Variants in KHDRBS2 observed in about 807,000 individuals in gnomAD.
The protein encoded by KHDRBS2 is KH domain-containing, RNA-binding, signal transduction-associated protein 2.
KHDRBS2 carries 26 observed loss-of-function variants against 44.3 expected under a neutral mutation model. The observed-to-expected ratio is 0.59, with a 90% CI of 0.43 to 0.81. The LOEUF (loss-of-function observed/expected upper bound fraction) is 0.81. Among genes scored for constraint, KHDRBS2 ranks in the 40% least tolerant of loss-of-function variants. KHDRBS2 has a pLI of 0.00. For missense variants in KHDRBS2, 476 were observed against 433.1 expected (o/e 1.10, Z -0.88); for synonymous variants, 194 against 151.1 (o/e 1.28, Z -2.08).
intron 2 of KHDRBS2, among the ~76,000 whole-genome samples, chr6:62,059,650 G>T (rs1336853152): frequency 6.6e-6 from 1 of 151,748 alleles, no homozygotes; most frequent in African/African-American, 2.4e-5. Context: ...TATTCCATTT[G>T]AGATGCCTTC....
At chr6:61,672,737 T>C in the KHDRBS2 span, among the ~76,000 whole-genome samples, 1 of 152,004 alleles carries the variant, frequency 6.6e-6, no homozygotes, top group African/African-American at 2.4e-5. Flanking sequence ...TTGTAGATTC[T>C]GGATATTAGC....
intron 6 of KHDRBS2, among the ~76,000 whole-genome samples, chr6:61,835,581 T>C (rs984173928): frequency 1.7e-4 from 26 of 151,970 alleles, no homozygotes; most frequent in African/African-American, 5.8e-4. Context: ...TTAACACAAA[T>C]TGTACATGAT....
At chr6:61,821,644 A>G (rs544027) in intron 6 of KHDRBS2, among the ~76,000 whole-genome samples, 23,691 of 151,902 alleles carry the variant, frequency 0.16, 2,456 homozygotes, top group South Asian at 0.27. Context: ...AGGTTGCTAG[A>G]GTGATGAGTG....
chr6:62,212,104 G>A (rs1336803320), intron 1 of KHDRBS2, among the ~76,000 whole-genome samples: 3 of 152,158 alleles, frequency 2.0e-5, no homozygotes, highest in Admixed American at 6.5e-5. Context: ...ACTAAATGGT[G>A]AGAACAAATA....
At chr6:61,965,246 A>C (rs1386453050) in intron 4 of KHDRBS2, among the ~76,000 whole-genome samples, 1 of 152,056 alleles carries the variant, frequency 6.6e-6, no homozygotes, top group African/African-American at 2.4e-5. Context: ...CCCCCTACTT[A>C]CAAATCAATC....
In KHDRBS2 at chr6:61,690,526, T is replaced by A. The variant is rs564772851; in HGVS notation, c.952+6669A>T. Among the ~76,000 whole-genome samples the A allele has an allele frequency of 1.1e-4, 16 of 152,176 alleles. No homozygotes were observed. The South Asian group carries it at 3.3e-3, about 32-fold the overall frequency. The stretch of plus-strand genomic sequence containing the variant: ...TGTTAAACACATGTGGACTATAATT[T>A]TTTGTTGACTCTACCTGTTGGGTAA... On this transcript the variant is annotated intron_variant, in intron 8 of 8. Transcript: ENST00000281156.
intron 1 of KHDRBS2, among the ~76,000 whole-genome samples, chr6:62,207,021 A>G (rs1018326894): frequency 3.3e-5 from 5 of 152,208 alleles, no homozygotes; most frequent in Admixed American, 1.3e-4. Flanking sequence ...AAAACATCAC[A>G]ATGTAATGTA....
intron 4 of KHDRBS2, among the ~76,000 whole-genome samples, chr6:61,974,902 G>T (rs1163855708): frequency 3.3e-5 from 5 of 151,236 alleles, no homozygotes. Flanking sequence ...TTGCATTCCA[G>T]CCTGGGCGAC....
At chr6:61,898,415 T>TA (rs1803326260) in intron 5 of KHDRBS2, among the ~76,000 whole-genome samples, 1 of 152,006 alleles carries the variant, frequency 6.6e-6, no homozygotes, top group African/African-American at 2.4e-5. Flanking sequence ...AGTCTCTAAG[T>TA]GATTATTGTA....
intron 1 of KHDRBS2, among the ~76,000 whole-genome samples, chr6:62,282,562 A>T (rs1841948202): frequency 6.6e-6 from 1 of 152,178 alleles, no homozygotes; most frequent in African/African-American, 2.4e-5. Context: ...CAGCAGACAC[A>T]GAATATTTCC....
At chr6:61,609,861 A>G in the KHDRBS2 span, among the ~76,000 whole-genome samples, 2 of 152,196 alleles carry the variant, frequency 1.3e-5, no homozygotes, top group Non-Finnish European at 2.9e-5. Context: ...CTAATCTTTC[A>G]CGATGTTCCA....
At chr6:61,592,018 C>T in the KHDRBS2 span, among the ~76,000 whole-genome samples, 2 of 151,814 alleles carry the variant, frequency 1.3e-5, no homozygotes, top group Non-Finnish European at 2.9e-5. Context: ...GAGAGACCCT[C>T]ATCTTTACAA....
chr6:61,565,173 G>A, the KHDRBS2 span, among the ~76,000 whole-genome samples: 1 of 151,994 alleles, frequency 6.6e-6, no homozygotes, highest in Non-Finnish European at 1.5e-5. Context: ...AAAATAAAAT[G>A]GATTAAAGAC....
chr6:62,179,680 A>G (rs1293202371), intron 1 of KHDRBS2, among the ~76,000 whole-genome samples: 1 of 151,766 alleles, frequency 6.6e-6, no homozygotes, highest in Non-Finnish European at 1.5e-5. Context: ...ATAAAAATAA[A>G]TTGAATTTGT....
intron 3 of KHDRBS2, among the ~76,000 whole-genome samples, chr6:62,015,761 T>C (rs1157872532): frequency 1.3e-5 from 2 of 152,214 alleles, no homozygotes; most frequent in African/African-American, 4.8e-5. Flanking sequence ...CCAGTCCTAC[T>C]GATGAAAGCC....
chr6:62,282,655 A>C (rs1841960014), intron 1 of KHDRBS2, among the ~76,000 whole-genome samples: 1 of 152,174 alleles, frequency 6.6e-6, no homozygotes, highest in Admixed American at 6.5e-5. Flanking sequence ...ATCTGTCCCC[A>C]GTACCCAAAA....
intron 7 of KHDRBS2, among the ~76,000 whole-genome samples, chr6:61,706,016 G>T (rs757541086): frequency 1.3e-5 from 2 of 151,844 alleles, no homozygotes; most frequent in African/African-American, 2.4e-5. Flanking sequence ...GCAACCCAGT[G>T]CCTGACACAT....
chr6:61,709,109 CAATAACTATT>C (rs1413011554), intron 7 of KHDRBS2, among the ~76,000 whole-genome samples: 1 of 151,530 alleles, frequency 6.6e-6, no homozygotes, highest in Non-Finnish European at 1.5e-5. Flanking sequence ...ATCAGGTGCT[CAATAACTATT>C]AATAATTGGT....
chr6:62,174,605 C>G (rs1820722277), intron 2 of KHDRBS2, among the ~76,000 whole-genome samples: 2 of 151,610 alleles, frequency 1.3e-5, no homozygotes, highest in Non-Finnish European at 3.0e-5. Flanking sequence ...TGGAGAGTAA[C>G]TGAAACACAA....
Sources: allele counts gnomAD v4.1 joint callset (sites outside exome capture counted in the v4.1 genomes callset), GRCh38; gene constraint gnomAD v4.1.1; transcripts MANE v1.5; gene names NCBI Gene and HGNC (gene_info 2026-07-23, HGNC 2026-07-21).